SYNE2: variants seen among roughly 807,000 people sequenced by gnomAD.
SYNE2 encodes nesprin-2.
In SYNE2, 431 loss-of-function variants were observed where a neutral mutation model predicts 856.3. The observed-to-expected ratio is 0.50, with a 90% CI of 0.47 to 0.55. The LOEUF (loss-of-function observed/expected upper bound fraction) is 0.55, where lower values mean the gene tolerates loss of function less well. Among genes scored for constraint, SYNE2 ranks in the 20% least tolerant of loss-of-function variants. The pLI is 0.00. For synonymous variants in SYNE2, 2,923 were observed against 2,872.3 expected (o/e 1.02, Z -0.56); for missense variants, 8,129 against 8,023.2 (o/e 1.01, Z -0.50).
At chr14:63,974,819 TAC>T (rs1383319803) in intron 11 of SYNE2, among the ~76,000 whole-genome samples, 1 of 145,066 alleles carries the variant, frequency 6.9e-6, no homozygotes, top group East Asian at 2.0e-4. Context: ...TATATGTATA[TAC>T]ATATGTATAT....
At chr14:63,972,529 A>G (rs1473562819) in intron 11 of SYNE2, among the ~76,000 whole-genome samples, 2 of 152,232 alleles carry the variant, frequency 1.3e-5, no homozygotes, top group African/African-American at 4.8e-5. Flanking sequence ...CAATAGTTTG[A>G]GAACAGAGAT....
intron 99 of SYNE2, among the ~76,000 whole-genome samples, chr14:64,200,010 C>T (rs1380715740): frequency 6.6e-6 from 1 of 152,046 alleles, no homozygotes; most frequent in African/African-American, 2.4e-5. Context: ...TGTTGCACAC[C>T]TAACCCCCAG....
At chr14:63,821,889 T>A (rs1207495373) in intron 1 of SYNE2, among the ~76,000 whole-genome samples, 1 of 151,912 alleles carries the variant, frequency 6.6e-6, no homozygotes, top group East Asian at 1.9e-4. Flanking sequence ...TTAGAAGCAT[T>A]TATTCAAGAA....
intron 32 of SYNE2, among the ~76,000 whole-genome samples, chr14:64,013,561 ATAAGT>A (rs2096865010): frequency 6.6e-6 from 1 of 152,098 alleles, no homozygotes; most frequent in Non-Finnish European, 1.5e-5. Flanking sequence ...GCTCCCACTT[ATAAGT>A]GAGACCATGC....
At chr14:64,172,856 G>A (rs541908503) in intron 94 of SYNE2, among the ~76,000 whole-genome samples, 4 of 151,932 alleles carry the variant, frequency 2.6e-5, no homozygotes, top group Admixed American at 2.6e-4. Context: ...TCACACTTGA[G>A]CCCGGGAGGT....
intron 1 of SYNE2, among the ~76,000 whole-genome samples, chr14:63,797,661 C>T (rs554992402): frequency 1.3e-5 from 2 of 152,316 alleles, no homozygotes; most frequent in South Asian, 2.1e-4. Flanking sequence ...AGCCTGGTCT[C>T]GAACTCCTGA....
At chr14:63,876,494 C>CTTT (rs11452526) in intron 1 of SYNE2, among the ~76,000 whole-genome samples, 9 of 147,060 alleles carry the variant, frequency 6.1e-5, no homozygotes, top group South Asian at 2.1e-4. Context: ...AAATATGTTC[C>CTTT]TTTTTTTTTT....
Position 64,077,954 on chromosome 14 carries a change from A to G in SYNE2, c.11023-512A>G, listed in dbSNP as rs148762610. The stretch of plus-strand genomic sequence containing the variant: ...CTCTGTGCATCCTCAAGAAATAGCA[A>G]TTTTAGAAGGTTGTTTCACCCAAAT... On this transcript the variant is annotated intron_variant, in intron 54 of 115. Transcript: ENST00000555002. Among the ~76,000 whole-genome samples the G allele has an allele frequency of 1.8e-3, 280 of 152,324 alleles. 1 individual carries two copies. Among genetic ancestry groups the G allele is most frequent in the African/African-American group, 6.6e-3 (275 of 41,582 alleles).
At chr14:64,069,994 CG>C (rs1490395334) in intron 51 of SYNE2, among the ~76,000 whole-genome samples, 2 of 152,066 alleles carry the variant, frequency 1.3e-5, no homozygotes, top group African/African-American at 4.8e-5. Context: ...CGAGGGGAGG[CG>C]TAAGAATGAC....
At chr14:63,993,804 T>C (rs2096688887) in intron 21 of SYNE2, 31 bp from the exon 22 acceptor site, 2 of 1,577,038 alleles carry the variant, frequency 1.3e-6, no homozygotes, top group Non-Finnish European at 1.7e-6. Context: ...GAGGCTTTTA[T>C]GATTTTGTTT....
At chr14:64,020,801 A>T (rs957921017) in intron 35 of SYNE2, among the ~76,000 whole-genome samples, 7 of 152,120 alleles carry the variant, frequency 4.6e-5, no homozygotes, top group Non-Finnish European at 8.8e-5. Flanking sequence ...CTAGGTACAT[A>T]GTGGTTGAAT....
chr14:64,140,218 C>T (rs2098128836), intron 80 of SYNE2, 145 bp downstream of exon 80: 3 of 759,228 alleles, frequency 4.0e-6, no homozygotes, highest in South Asian at 3.0e-5. Flanking sequence ...TTCTTCAAAC[C>T]TAGAACTGTT....
chr14:63,857,520 A>G (rs1015440035), intron 1 of SYNE2, among the ~76,000 whole-genome samples: 2 of 152,154 alleles, frequency 1.3e-5, no homozygotes, highest in Non-Finnish European at 2.9e-5. Flanking sequence ...TATGGTAGGC[A>G]TATGTTTAAT....
chr14:64,016,474 T>C lies in SYNE2; in HGVS notation c.4730T>C (p.Ile1577Thr), dbSNP rs2096893081. Residue 1577 changes from isoleucine (I) to threonine (T), a missense_variant and splice_region_variant, in exon 33 of 116, where the codon ATT becomes ACT. Around this residue, in one of 3 missense-constraint regions of SYNE2, gnomAD observed 2,422 missense variants for 2,357.4 expected, o/e 1.03. Coordinates refer to ENST00000555002, the MANE Select transcript of SYNE2 (RefSeq NM_182914.3). ...KENLKKRIAE[I>T]EIVKEEFNEH... ...ATAACTTTCATATCTTTTTTACAGA[T>C]TGAAATTGTCAAAGAAGAATTTAAT... 4 of 1,574,186 alleles carry C rather than the reference T, an allele frequency of 2.5e-6. No individual in the cohort carries two copies. Among genetic ancestry groups the C allele is most frequent in the African/African-American group, 2.7e-5 (2 of 73,610 alleles).
chr14:63,893,153 T>G (rs1237860148), intron 1 of SYNE2, among the ~76,000 whole-genome samples: 1 of 152,074 alleles, frequency 6.6e-6, no homozygotes, highest in Non-Finnish European at 1.5e-5. Flanking sequence ...CACCCATTCT[T>G]CATTTCTCAA....
At chr14:64,015,056 A>C (rs7156636) in intron 32 of SYNE2, among the ~76,000 whole-genome samples, 4,910 of 140,924 alleles carry the variant, frequency 0.035, 298 homozygotes, top group African/African-American at 0.12. Flanking sequence ...TATATATATA[A>C]ATATATATGT....
chr14:63,868,171 A>G (rs1429046268), intron 1 of SYNE2, among the ~76,000 whole-genome samples: 1 of 152,236 alleles, frequency 6.6e-6, no homozygotes, highest in Non-Finnish European at 1.5e-5. Context: ...TCTTTAAATT[A>G]TAACCCTAGG....
intron 2 of SYNE2, among the ~76,000 whole-genome samples, chr14:63,939,347 CTTTT>C (rs1056199146): frequency 1.7e-5 from 2 of 115,170 alleles, no homozygotes; most frequent in Admixed American, 1.8e-4. Context: ...TTTTTTTTTT[CTTTT>C]TTTTTTTTTT....
At position 63,997,076 on chromosome 14, in the gene SYNE2, C is replaced by T; in HGVS notation, c.3070C>T (p.Gln1024Ter). The T allele has an allele frequency of 6.2e-7, 1 of 1,614,034 alleles. No homozygotes were observed. The highest frequency in any genetic ancestry group is 2.2e-5 in the East Asian group (1 of 44,862). Residue 1024 changes from glutamine (Q) to a stop codon, truncating the protein, a stop_gained, in exon 24 of 116, where the codon CAA (glutamine) becomes TAA (stop). Coordinates refer to ENST00000555002, the MANE Select transcript of SYNE2 (RefSeq NM_182914.3). LOFTEE classifies it high-confidence loss of function. ...GAAGAGACTACTCAAAGATTATGAA[C>T]AAAAGATAGAAAGACTTCTGAAATG... The part of the protein sequence containing the change: ...EVKRLLKDYE[Q>*]KIERLLKCAS...
Sources: allele counts gnomAD v4.1 joint callset (sites outside exome capture counted in the v4.1 genomes callset), GRCh38; gene constraint gnomAD v4.1.1; regional missense constraint gnomAD v4.1.1; transcripts MANE v1.5; gene names NCBI Gene and HGNC (gene_info 2026-07-23, HGNC 2026-07-21).